Variants in CACNA1B observed in about 807,000 individuals in gnomAD.
CACNA1B encodes the protein voltage-dependent N-type calcium channel subunit alpha-1B.
CACNA1B carries 70 observed loss-of-function variants against 247.2 expected under a neutral mutation model. The ratio of observed to expected loss-of-function variants is 0.28; its 90% confidence interval spans 0.23 to 0.35. The LOEUF is 0.35. Among genes scored for constraint, CACNA1B ranks in the 10% least tolerant of loss-of-function variants. The probability of loss-of-function intolerance (pLI) is 1.00; values close to 1 mark genes in which losing one functional copy is unlikely to be tolerated. For missense variants in CACNA1B, 2,367 were observed against 3,197.4 expected, an observed-to-expected ratio of 0.74 and a Z score of 6.26; for synonymous variants, 1,231 against 1,294.4, an observed-to-expected ratio of 0.95 and a Z score of 1.05.
intron 15 of CACNA1B, among the ~76,000 whole-genome samples, chr9:137,993,327 A>T (rs1392716185): frequency 6.6e-6 from 1 of 151,958 alleles, no homozygotes; most frequent in Non-Finnish European, 1.5e-5. Flanking sequence ...TAAAATTTAA[A>T]TTTTTGTCTA....
chr9:137,920,152 A>G lies in CACNA1B; in HGVS notation c.966+2721A>G, dbSNP rs561513238. ...CCAGCCAGCGAGAGTGGGTATTGTCATGGTGAAGCATGTCAGTTTGATGGC... is the reference window on the plus strand; with the variant it reads ...CCAGCCAGCGAGAGTGGGTATTGTCGTGGTGAAGCATGTCAGTTTGATGGC... On this transcript the variant is annotated intron_variant, in intron 6 of 46. Transcript: ENST00000371372. Among the ~76,000 whole-genome samples the G allele has an allele frequency of 3.2e-4, 48 of 152,168 alleles. No homozygotes were observed. In the East Asian group the frequency reaches 8.5e-3, roughly 27 times the overall value.
intron 20 of CACNA1B, 72 bp from the exon 21 acceptor site, chr9:138,043,702 C>T: frequency 6.3e-7 from 1 of 1,577,940 alleles, no homozygotes; most frequent in East Asian, 2.2e-5. Context: ...GGCATGGGAG[C>T]TGGGAGGGAG....
intron 3 of CACNA1B, among the ~76,000 whole-genome samples, chr9:137,907,014 C>T: frequency 6.6e-6 from 1 of 152,226 alleles, no homozygotes; most frequent in East Asian, 1.9e-4. Flanking sequence ...CTCTTTTTCT[C>T]CCTGTGGGAG....
rs530422678 is a variant in CACNA1B, at chr9:137,954,374, C to G, written c.1071-1324C>G. On this transcript the variant is annotated intron_variant, in intron 7 of 46. Coordinates refer to ENST00000371372, the MANE Select transcript of CACNA1B (RefSeq NM_000718.4). This position sits in a 1 kb window ranked among gnomAD's most constrained non-coding sequence, Gnocchi z 4.1. ...CCAGAGCTCCCATCCTCACAGCATC[C>G]CAGAGAAGCAGAAGAGGTGGCCCCT... is the stretch of plus-strand genomic sequence containing the variant. Among the ~76,000 whole-genome samples the G allele has an allele frequency of 6.6e-6, 1 of 152,210 alleles. No homozygotes were observed. Among genetic ancestry groups the G allele is most frequent in the Non-Finnish European group, 1.5e-5 (1 of 68,030 alleles).
At chr9:137,929,040 A>G in intron 6 of CACNA1B, among the ~76,000 whole-genome samples, 1 of 152,218 alleles carries the variant, frequency 6.6e-6, no homozygotes, top group East Asian at 1.9e-4. Context: ...TAATGCTGCT[A>G]TGAACATTCT....
rs73669834 is a variant in CACNA1B at position 137,988,308 on chromosome 9, G to C, written c.1974+1454G>C. On this transcript the variant is annotated intron_variant, in intron 15 of 46. Coordinates refer to ENST00000371372, the MANE Select transcript of CACNA1B (RefSeq NM_000718.4). ...GAGGAGTGTCTGGGGTGGCGACAAGGTGGCAGGTGTGGGATGGGAAACTCC... is the reference window on the plus strand; with the variant it reads ...GAGGAGTGTCTGGGGTGGCGACAAGCTGGCAGGTGTGGGATGGGAAACTCC... Among the ~76,000 whole-genome samples, 311 of 152,312 alleles carry C rather than the reference G, an allele frequency of 2.0e-3. 3 individuals are homozygous for C. The highest frequency in any genetic ancestry group is 7.2e-3 in the African/African-American group (300 of 41,566).
chr9:137,977,791 T>G (rs576167849), intron 12 of CACNA1B, among the ~76,000 whole-genome samples: 2 of 152,056 alleles, frequency 1.3e-5, no homozygotes, highest in African/African-American at 4.8e-5. Flanking sequence ...AGCCCTCCCG[T>G]AAGGAGCAAC....
chr9:137,987,015 G>T (rs1958371396), intron 15 of CACNA1B, among the ~76,000 whole-genome samples, 161 bp downstream of exon 15: 1 of 152,222 alleles, frequency 6.6e-6, no homozygotes, highest in South Asian at 2.1e-4. Flanking sequence ...AGCACAGGCA[G>T]TCAGCAACCT....
rs890764448 is a variant in CACNA1B at position 138,072,176 on chromosome 9, A to G, written c.4675-1312A>G. Among the ~76,000 whole-genome samples, 7 of 152,128 alleles carry G rather than the reference A, an allele frequency of 4.6e-5. No individual in the cohort carries two copies. Among genetic ancestry groups the G allele is most frequent in the South Asian group, 2.1e-4 (1 of 4,830 alleles). On this transcript the variant is annotated intron_variant, in intron 32 of 46. Transcript: ENST00000371372. This position sits in a 1 kb window ranked among gnomAD's most constrained non-coding sequence, Gnocchi z 4.5. Reference sequence around the variant, plus strand: ...TAGCCCGTCCTTGTGCCCACTGGCCATGGATATCATTCAAAACCAGTCCTG... The same window carrying G: ...TAGCCCGTCCTTGTGCCCACTGGCCGTGGATATCATTCAAAACCAGTCCTG...
chr9:138,022,539 C>T (rs1958857710), intron 18 of CACNA1B, among the ~76,000 whole-genome samples: 1 of 152,120 alleles, frequency 6.6e-6, no homozygotes, highest in South Asian at 2.1e-4. Flanking sequence ...GCGTGTCCCG[C>T]CCTTCCTGTA....
chr9:137,959,273 G>A (rs573326415), intron 10 of CACNA1B, among the ~76,000 whole-genome samples: 6 of 152,028 alleles, frequency 3.9e-5, no homozygotes, highest in African/African-American at 9.7e-5. Context: ...GGGTTTCACC[G>A]TGTTGGCCTG....
chr9:138,023,325 C>T lies in CACNA1B; in HGVS notation c.2582C>T (p.Pro861Leu). The T allele has an allele frequency of 2.0e-6, 3 of 1,507,958 alleles. No homozygotes were observed. Among genetic ancestry groups the T allele is most frequent in the Non-Finnish European group, 2.6e-6 (3 of 1,136,130 alleles). 93.4% of individuals were successfully genotyped at this position (1,507,958 alleles called of 1,614,324 possible). A position where few individuals can be genotyped will look rare whatever the true frequency, so the allele number is the denominator to read the frequency against. ...HHRHRDKDKT[P>L]AAGDQDRAEA... Reference sequence around the variant, plus strand: ...CGGCACCGCGACAAGGACAAGACCCCCGCGGCGGGGGACCAGGACCGAGCA... The same window carrying T: ...CGGCACCGCGACAAGGACAAGACCCTCGCGGCGGGGGACCAGGACCGAGCA... The change falls in exon 19 of 47, where the codon CCC becomes CTC. Residue 861 changes from proline to leucine, a missense_variant. Transcript: ENST00000371372.
Position 138,056,800 on chromosome 9 carries a change from G to A in CACNA1B, c.3969-932G>A, listed in dbSNP as rs149608708. 3.3e-3 allele frequency among the ~76,000 whole-genome samples: 496 copies of A among 152,282 alleles called. 3 individuals carry two copies. Among genetic ancestry groups the A allele is most frequent in the African/African-American group, 0.012 (479 of 41,562 alleles). The stretch of plus-strand genomic sequence containing the variant: ...GCCATCATCATGGGCATGAAGTGGT[G>A]TCTCGTGGTGGTTTTTATTTGCCTT... On this transcript the variant is annotated intron_variant, in intron 26 of 46. Coordinates refer to ENST00000371372, the MANE Select transcript of CACNA1B (RefSeq NM_000718.4).
chr9:138,036,222 C>A (rs983462902), intron 20 of CACNA1B, among the ~76,000 whole-genome samples: 1 of 152,182 alleles, frequency 6.6e-6, no homozygotes, highest in Non-Finnish European at 1.5e-5. Context: ...TCACTGCAAC[C>A]TCCGCCTCCT....
chr9:138,013,488 T>A (rs1228642761), intron 18 of CACNA1B, among the ~76,000 whole-genome samples: 1 of 152,154 alleles, frequency 6.6e-6, no homozygotes, highest in East Asian at 1.9e-4. Flanking sequence ...TGCTGTGATA[T>A]TCACTCCCTG....
chr9:137,934,345 G>T (rs796883720), intron 6 of CACNA1B, among the ~76,000 whole-genome samples: 5 of 152,300 alleles, frequency 3.3e-5, no homozygotes, highest in African/African-American at 1.2e-4. Context: ...CATTTGGGTT[G>T]CAATAGTTGA....
chr9:138,028,107 C>T (rs1318203992), intron 20 of CACNA1B, among the ~76,000 whole-genome samples: 1 of 139,898 alleles, frequency 7.1e-6, no homozygotes, highest in East Asian at 2.3e-4. Flanking sequence ...GGTCTCGGCT[C>T]TGCCTCCCAG....
At chr9:138,035,097 G>A (rs1959027050) in intron 20 of CACNA1B, among the ~76,000 whole-genome samples, 1 of 152,198 alleles carries the variant, frequency 6.6e-6, no homozygotes, top group African/African-American at 2.4e-5. Context: ...GCATCACAAT[G>A]CCTGTGTCAT....
At chr9:138,088,293 C>T (rs1960767345) in intron 36 of CACNA1B, among the ~76,000 whole-genome samples, 1 of 151,602 alleles carries the variant, frequency 6.6e-6, no homozygotes, top group African/African-American at 2.4e-5. Context: ...TGCTTGAACC[C>T]AGGAGGCGGA....
Sources: allele counts gnomAD v4.1 joint callset (sites outside exome capture counted in the v4.1 genomes callset), GRCh38; gene constraint gnomAD v4.1.1; non-coding constraint Gnocchi (gnomAD v3.1); transcripts MANE v1.5; gene names NCBI Gene and HGNC (gene_info 2026-07-23, HGNC 2026-07-21).